GPR26: variants seen among roughly 807,000 people sequenced by gnomAD.
The protein encoded by GPR26 is G protein-coupled receptor 26.
In GPR26, 15 loss-of-function variants were observed where a neutral mutation model predicts 23.1. The observed-to-expected ratio is 0.65, with a 90% confidence interval of 0.43 to 1.00. The LOEUF is 1.00. GPR26 is among the 50% of genes least tolerant of loss of function. The probability of loss-of-function intolerance (pLI) is 0.00; values close to 1 mark genes in which losing one functional copy is unlikely to be tolerated. For missense variants in GPR26, 359 were observed against 470.5 expected, an observed-to-expected ratio of 0.76 and a Z score of 2.19; for synonymous variants, 228 against 222.1, an observed-to-expected ratio of 1.03 and a Z score of -0.24.
chr10:123,674,731 G>T lies in GPR26; in HGVS notation c.669-87G>T. ...TCCATAGTCAAGTTCTCACACTAGA[G>T]ACTGCTGCCTGTGTTAGTAAATAGT... On this transcript the variant is annotated intron_variant, in intron 1 of 2. Coordinates refer to ENST00000284674, the MANE Select transcript of GPR26 (RefSeq NM_153442.4). This position sits in a 1 kb window ranked among gnomAD's most constrained non-coding sequence, Gnocchi z 4.1. 1 of 808,622 alleles carries T rather than the reference G, an allele frequency of 1.2e-6. No individual in the cohort carries two copies. Among genetic ancestry groups the T allele is most frequent in the South Asian group, 1.5e-5 (1 of 65,350 alleles). 50.1% of individuals were successfully genotyped at this position (808,622 alleles called of 1,614,324 possible). A position where few individuals can be genotyped will look rare whatever the true frequency, so the allele number is the denominator to read the frequency against.
At position 123,694,001 on chromosome 10, in the gene GPR26, C is replaced by T. The variant is rs1156330684; in HGVS notation, c.*5841C>T. The T allele has an allele frequency of 2.7e-5, 4 of 150,114 alleles. No individual in the cohort carries two copies. Among genetic ancestry groups the T allele is most frequent in the Non-Finnish European group, 6.0e-5 (4 of 66,652 alleles). 9.3% of individuals were successfully genotyped at this position (150,114 alleles called of 1,614,324 possible). A position where few individuals can be genotyped will look rare whatever the true frequency, so the allele number is the denominator to read the frequency against. On this transcript the variant is annotated 3_prime_UTR_variant, in exon 3 of 3. Transcript: ENST00000284674. ...CATGTGGCAGCTGCAGGCTGTGGTC[C>T]AGAACTATGAGCAGACTTGCCTGTC...
Position 123,666,758 on chromosome 10 carries a change from G to A in GPR26, c.351G>A (p.Lys117=). The part of the protein sequence containing the change: ...AVVFPLSYRA[K]MRLRDAALMV... Reference sequence around the variant, plus strand: ...TCTTCCCGCTGAGCTACCGGGCCAAGATGCGCCTCCGCGACGCGGCGCTCA... The same window carrying A: ...TCTTCCCGCTGAGCTACCGGGCCAAAATGCGCCTCCGCGACGCGGCGCTCA... The change falls in exon 1 of 3, where the codon AAG becomes AAA. Residue 117 remains lysine, a synonymous_variant. Transcript: ENST00000284674. 6.2e-7 allele frequency: 1 copy of A among 1,601,504 alleles called. No homozygotes were observed.
In GPR26 at chr10:123,695,254, C is replaced by G. The variant is rs1302762233; in HGVS notation, c.*7094C>G. On this transcript the variant is annotated 3_prime_UTR_variant, in exon 3 of 3. Coordinates refer to ENST00000284674, the MANE Select transcript of GPR26 (RefSeq NM_153442.4). Reference sequence around the variant, plus strand: ...CTTTTAAAGTAATTTGGATTTTTAACTCAAAAGACGATGTGTACCCCTTGG... The same window carrying G: ...CTTTTAAAGTAATTTGGATTTTTAAGTCAAAAGACGATGTGTACCCCTTGG... 6.6e-6 allele frequency among the ~76,000 whole-genome samples: 1 copy of G among 152,190 alleles called. No individual in the cohort carries two copies. Among genetic ancestry groups the G allele is most frequent in the Non-Finnish European group, 1.5e-5 (1 of 68,026 alleles).
chr10:123,675,068 AT>A, intron 2 of GPR26, 137 bp downstream of exon 2: 1 of 601,654 alleles, frequency 1.7e-6, no homozygotes, highest in African/African-American at 1.8e-5. Flanking sequence ...AACTTGCCAG[AT>A]TTAGTGAACA....
chr10:123,682,901 C>T (rs1845393273), intron 2 of GPR26, among the ~76,000 whole-genome samples: 1 of 152,206 alleles, frequency 6.6e-6, no homozygotes, highest in Admixed American at 6.5e-5. Flanking sequence ...AAGCTGAGTT[C>T]TCCAGAAGTC....
rs11248639 is a variant in GPR26 at position 123,675,833 on chromosome 10, C to T, written c.782+902C>T. On this transcript the variant is annotated intron_variant, in intron 2 of 2. Coordinates refer to ENST00000284674, the MANE Select transcript of GPR26 (RefSeq NM_153442.4). ...GTGTGTGTGTACGTGTGTGTGTGTA[C>T]GTGTGTGTGTGTGTGTGTGTGTAAG... is the stretch of plus-strand genomic sequence containing the variant. Among the ~76,000 whole-genome samples, 29 of 134,166 alleles carry T rather than the reference C, an allele frequency of 2.2e-4. 1 individual carries two copies. Among genetic ancestry groups the T allele is most frequent in the East Asian group, 1.2e-3 (5 of 4,332 alleles). The allele number at this position is 134,166 out of a possible 152,430, so 88.0% of individuals were successfully genotyped here. A position where few individuals can be genotyped will look rare whatever the true frequency, so the allele number is the denominator to read the frequency against.
At chr10:123,679,357 T>C (rs79708339) in intron 2 of GPR26, among the ~76,000 whole-genome samples, 7,286 of 152,286 alleles carry the variant, frequency 0.048, 331 homozygotes, top group African/African-American at 0.11. Context: ...GTGGTAGGAA[T>C]GGCTGGGAGA....
chr10:123,688,130 C>T lies in GPR26; in HGVS notation c.984C>T (p.His328=). ...IHSSGLTGDS[H]SQNILPVSE ...CCTCTGGCCTCACAGGCGACTCTCA[C>T]AGCCAGAACATTCTGCCGGTGTCTG... is the stretch of plus-strand genomic sequence containing the variant. Residue 328 remains histidine (H), a synonymous_variant, in exon 3 of 3, where the codon CAC becomes CAT. Coordinates refer to ENST00000284674, the MANE Select transcript of GPR26 (RefSeq NM_153442.4). The T allele has an allele frequency of 1.2e-6, 2 of 1,612,700 alleles. No homozygotes were observed. Among genetic ancestry groups the T allele is most frequent in the Non-Finnish European group, 1.7e-6 (2 of 1,179,424 alleles).
At chr10:123,687,847 G>C (rs1845445092) in intron 2 of GPR26, 82 bp from the exon 3 acceptor site, 1 of 905,878 alleles carries the variant, frequency 1.1e-6, no homozygotes, top group Non-Finnish European at 1.8e-6. Flanking sequence ...TGGTCTGCAG[G>C]GCACAGACAG....
intron 2 of GPR26, among the ~76,000 whole-genome samples, chr10:123,679,929 G>T (rs993870331): frequency 2.6e-5 from 4 of 152,234 alleles, no homozygotes; most frequent in African/African-American, 4.8e-5. Flanking sequence ...TGCAATCGTG[G>T]ACTGCAGCCC....
At chr10:123,675,438 T>A (rs1479878690) in intron 2 of GPR26, among the ~76,000 whole-genome samples, 1 of 152,168 alleles carries the variant, frequency 6.6e-6, no homozygotes, top group Non-Finnish European at 1.5e-5. Flanking sequence ...ATACTTGTCC[T>A]GTGGCTCAGG....
At chr10:123,679,291 T>C (rs960052388) in intron 2 of GPR26, among the ~76,000 whole-genome samples, 1 of 151,388 alleles carries the variant, frequency 6.6e-6, no homozygotes, top group Non-Finnish European at 1.5e-5. Context: ...CTGCTGGTGA[T>C]TAGCAGAGCA....
chr10:123,691,342 A>T lies in GPR26; in HGVS notation c.*3182A>T, dbSNP rs1001255427. ...TCAGACCAACTCTATCTCTTCTAGC[A>T]CTCAGCTCAGCCTCCTGTCCCCATG... On this transcript the variant is annotated 3_prime_UTR_variant, in exon 3 of 3. Transcript: ENST00000284674. 4 of 152,050 alleles carry T rather than the reference A, an allele frequency of 2.6e-5. No homozygotes were observed. The highest frequency in any genetic ancestry group is 1.3e-4 in the Admixed American group (2 of 15,266). 9.4% of individuals were successfully genotyped at this position (152,050 alleles called of 1,614,324 possible). A position where few individuals can be genotyped will look rare whatever the true frequency, so the allele number is the denominator to read the frequency against.
Position 123,694,509 on chromosome 10 carries a change from T to C in GPR26, c.*6349T>C, listed in dbSNP as rs1845521352. The C allele has an allele frequency of 6.8e-6, 1 of 147,894 alleles. No individual in the cohort carries two copies. The highest frequency in any genetic ancestry group is 6.8e-5 in the Admixed American group (1 of 14,656). The allele number at this position is 147,894 out of a possible 1,614,324, so 9.2% of individuals were successfully genotyped here. ...TGGAGAAAATCCATATATTTTTAGCTACCAAAAAAGAGAAGGAAGAAAGAA... is the reference window on the plus strand; with the variant it reads ...TGGAGAAAATCCATATATTTTTAGCCACCAAAAAAGAGAAGGAAGAAAGAA... On this transcript the variant is annotated 3_prime_UTR_variant, in exon 3 of 3. Coordinates refer to ENST00000284674, the MANE Select transcript of GPR26 (RefSeq NM_153442.4).
chr10:123,681,255 G>A (rs966326766), intron 2 of GPR26, among the ~76,000 whole-genome samples: 31 of 152,120 alleles, frequency 2.0e-4, no homozygotes, highest in Non-Finnish European at 3.4e-4. Flanking sequence ...CGGCGGCCGT[G>A]CCCAGCCCCT....
intron 2 of GPR26, among the ~76,000 whole-genome samples, chr10:123,676,366 C>T (rs906260468): frequency 8.5e-5 from 13 of 152,190 alleles, no homozygotes; most frequent in African/African-American, 3.1e-4. Flanking sequence ...TCCGCTAGAC[C>T]TCAGCACCAC....
rs1401694595 is a variant in GPR26 at position 123,666,880 on chromosome 10, T to C, written c.473T>C (p.Leu158Pro). The C allele has an allele frequency of 7.4e-6, 12 of 1,611,734 alleles. No individual in the cohort carries two copies. Among genetic ancestry groups the C allele is most frequent in the Non-Finnish European group, 9.3e-6 (11 of 1,179,426 alleles). Residue 158 changes from leucine (L) to proline (P), a missense_variant, in exon 1 of 3, where the codon CTG becomes CCG. Leu to Pro is a moderately conservative substitution (Grantham distance 98, BLOSUM62 -3). Coordinates refer to ENST00000284674, the MANE Select transcript of GPR26 (RefSeq NM_153442.4). Reference protein sequence around the residue: ...GFHQLYASCTLCSRRPDERLR... With the variant: ...GFHQLYASCTPCSRRPDERLR... ...CACCAGCTGTACGCCTCGTGCACGC[T>C]GTGCAGCCGGCGGCCAGACGAGCGC...
intron 2 of GPR26, among the ~76,000 whole-genome samples, chr10:123,680,530 G>GC (rs376787680): frequency 2.6e-4 from 40 of 152,246 alleles, no homozygotes; most frequent in African/African-American, 8.9e-4. Context: ...CAGCTCCAGG[G>GC]CCCCCTGGGC....
At chr10:123,667,191 G>A in intron 1 of GPR26, 116 bp downstream of exon 1, 4 of 828,848 alleles carry the variant, frequency 4.8e-6, no homozygotes, top group African/African-American at 1.7e-5. Flanking sequence ...CTGAGAACTC[G>A]AGGGTGGGGA....
Sources: gnomAD v4.1 joint callset for allele counts (sites outside exome capture counted in the v4.1 genomes callset) on GRCh38, gnomAD v4.1.1 for gene constraint, Gnocchi (gnomAD v3.1) non-coding constraint, MANE v1.5 for transcripts, NCBI Gene and HGNC (gene_info 2026-07-23, HGNC 2026-07-21) for gene names.